PID1: variants seen among roughly 807,000 people sequenced by gnomAD.
PID1 encodes PTB-containing, cubilin and LRP1-interacting protein.
PID1 carries 10 observed loss-of-function variants against 19.1 expected under a neutral mutation model. The observed-to-expected ratio is 0.52, with a 90% CI of 0.32 to 0.89. PID1 has a LOEUF of 0.89. PID1 is among the 40% of genes least tolerant of loss of function. The pLI is 0.03. For synonymous variants in PID1, 130 were observed against 116.0 expected, an observed-to-expected ratio of 1.12 and a Z score of -0.78; for missense variants, 248 against 285.3, an observed-to-expected ratio of 0.87 and a Z score of 0.94.
intron 2 of PID1, among the ~76,000 whole-genome samples, chr2:229,030,128 C>T (rs1225772967): frequency 9.2e-5 from 14 of 152,256 alleles, no homozygotes; most frequent in East Asian, 1.9e-4. Context: ...ATTCTGATGA[C>T]ATTATGCTAA....
Position 229,190,060 on chromosome 2 carries a change from CA to C in PID1, c.31-34097del, listed in dbSNP as rs554726818. 4.1e-3 allele frequency among the ~76,000 whole-genome samples: 617 copies of C among 152,318 alleles called. 10 individuals are homozygous for C. Among genetic ancestry groups the C allele is most frequent in the Admixed American group, 0.011 (165 of 15,302 alleles). On this transcript the variant is annotated intron_variant, in intron 1 of 2. Coordinates refer to ENST00000392055, the MANE Select transcript of PID1 (RefSeq NM_001100818.2). ...GCTGAGTGATTACTGACTCCAGGCT[CA>C]GAGCCCTCAGAAAGCAATAACAGCT...
intron 2 of PID1, among the ~76,000 whole-genome samples, chr2:229,120,653 A>G (rs1194496139): frequency 2.0e-5 from 3 of 151,122 alleles, no homozygotes; most frequent in Non-Finnish European, 1.5e-5. Context: ...TAATGTATAC[A>G]CCCAATGAGA....
At chr2:229,255,088 ATGGAGAGCAATAGACAAC>A (rs1309443687) in intron 1 of PID1, among the ~76,000 whole-genome samples, 3 of 152,190 alleles carry the variant, frequency 2.0e-5, no homozygotes, top group African/African-American at 7.2e-5. Context: ...AGGGGGTCAA[ATGGAGAGCAATAGACAAC>A]TGTCTCAAGT....
At chr2:229,067,701 A>G (rs1274512018) in intron 2 of PID1, among the ~76,000 whole-genome samples, 2 of 152,132 alleles carry the variant, frequency 1.3e-5, no homozygotes, top group Non-Finnish European at 2.9e-5. Context: ...GATAATGTCT[A>G]TATTCCCCAG....
intron 2 of PID1, among the ~76,000 whole-genome samples, chr2:229,064,189 G>T (rs1405671814): frequency 6.6e-6 from 1 of 152,080 alleles, no homozygotes; most frequent in Admixed American, 6.6e-5. Flanking sequence ...AATGGATTGG[G>T]GAGATTGGAG....
intron 2 of PID1, among the ~76,000 whole-genome samples, chr2:229,097,186 T>C (rs1442734226): frequency 6.6e-6 from 1 of 152,178 alleles, no homozygotes; most frequent in Non-Finnish European, 1.5e-5. Context: ...GGTATACAAG[T>C]GTCTTACTGT....
chr2:229,041,424 A>G (rs1693768263), intron 2 of PID1, among the ~76,000 whole-genome samples: 1 of 152,214 alleles, frequency 6.6e-6, no homozygotes, highest in South Asian at 2.1e-4. Context: ...ATATTGATAT[A>G]AATAGATAAA....
At chr2:229,181,167 T>G (rs750993960) in intron 1 of PID1, among the ~76,000 whole-genome samples, 2 of 152,182 alleles carry the variant, frequency 1.3e-5, no homozygotes, top group African/African-American at 2.4e-5. Context: ...TGGGATAATG[T>G]TGGAGAATCT....
intron 2 of PID1, among the ~76,000 whole-genome samples, chr2:229,121,294 A>C (rs1695513924): frequency 6.6e-6 from 1 of 151,830 alleles, no homozygotes; most frequent in Non-Finnish European, 1.5e-5. Flanking sequence ...AAGAAGCAAC[A>C]CTCCCTAGTT....
intron 2 of PID1, among the ~76,000 whole-genome samples, chr2:229,101,543 A>T (rs1695074626): frequency 2.0e-5 from 3 of 152,224 alleles, no homozygotes; most frequent in Admixed American, 2.0e-4. Context: ...TATGGGCCAA[A>T]TGCTATGCAA....
intron 1 of PID1, among the ~76,000 whole-genome samples, chr2:229,220,689 A>C (rs965018125): frequency 2.0e-5 from 3 of 152,176 alleles, no homozygotes; most frequent in Non-Finnish European, 2.9e-5. Flanking sequence ...CTGTAAACTC[A>C]GTGTTTGCCC....
chr2:229,055,915 G>C (rs1267601613), intron 2 of PID1, among the ~76,000 whole-genome samples: 2 of 152,200 alleles, frequency 1.3e-5, no homozygotes, highest in Non-Finnish European at 2.9e-5. Context: ...TCACATAGGA[G>C]CAAGTTAAGG....
At chr2:229,215,219 A>G (rs868139277) in intron 1 of PID1, among the ~76,000 whole-genome samples, 5 of 152,310 alleles carry the variant, frequency 3.3e-5, no homozygotes, top group Middle Eastern at 6.8e-3. Context: ...AACTATTGTT[A>G]TATTTTACAG....
chr2:229,172,406 T>C (rs1690728490), intron 1 of PID1, among the ~76,000 whole-genome samples: 1 of 152,214 alleles, frequency 6.6e-6, no homozygotes, highest in East Asian at 1.9e-4. Flanking sequence ...CATGCTCTTT[T>C]TGACGGCTCC....
chr2:229,232,187 G>T, intron 1 of PID1: 2 of 1,325,656 alleles, frequency 1.5e-6, no homozygotes, highest in Non-Finnish European at 2.0e-6. Flanking sequence ...ACTCTGGGAG[G>T]CCGAGACAGT....
rs151265427 is a variant in PID1 at position 229,119,325 on chromosome 2, C to A, written c.177+36493G>T. 2.0e-3 allele frequency among the ~76,000 whole-genome samples: 300 copies of A among 152,294 alleles called. 1 individual carries two copies. The highest frequency in any genetic ancestry group is 6.9e-3 in the African/African-American group (288 of 41,550). ...CTAAAATTATATACTTTGTACATATCAAGGCCAAGATCCCCATCGAAGTCT... is the reference window on the plus strand; with the variant it reads ...CTAAAATTATATACTTTGTACATATAAAGGCCAAGATCCCCATCGAAGTCT... On this transcript the variant is annotated intron_variant, in intron 2 of 2. Coordinates refer to ENST00000392055, the MANE Select transcript of PID1 (RefSeq NM_001100818.2).
At chr2:229,233,244 T>G (rs1408520021) in intron 1 of PID1, among the ~76,000 whole-genome samples, 1 of 152,184 alleles carries the variant, frequency 6.6e-6, no homozygotes, top group Non-Finnish European at 1.5e-5. Context: ...GGATTACTTG[T>G]TCAAAGCTGG....
chr2:229,180,721 C>T (rs1325795485), intron 1 of PID1, among the ~76,000 whole-genome samples: 2 of 152,184 alleles, frequency 1.3e-5, no homozygotes, highest in South Asian at 2.1e-4. Flanking sequence ...AATGACTTAA[C>T]GGCTGATTGA....
At chr2:229,207,578 A>G (rs1691634924) in intron 1 of PID1, among the ~76,000 whole-genome samples, 1 of 150,634 alleles carries the variant, frequency 6.6e-6, no homozygotes. Context: ...CTTCTTACCT[A>G]TTTATCTGTA....
Sources: allele counts gnomAD v4.1 joint callset (sites outside exome capture counted in the v4.1 genomes callset), GRCh38; gene constraint gnomAD v4.1.1; transcripts MANE v1.5; gene names NCBI Gene and HGNC (gene_info 2026-07-23, HGNC 2026-07-21).